MARCHF9: variants seen among roughly 807,000 people sequenced by gnomAD.
MARCHF9 encodes membrane associated ring-CH-type finger 9, also known as E3 ubiquitin-protein ligase MARCHF9.
MARCHF9 carries 17 observed loss-of-function variants against 35.2 expected under a neutral mutation model. The ratio of observed to expected loss-of-function variants is 0.48; its 90% CI spans 0.33 to 0.72. The LOEUF (loss-of-function observed/expected upper bound fraction) is 0.72. Ranked by LOEUF, MARCHF9 falls within the 30% of genes least tolerant of loss-of-function variation. The pLI is 0.02. For synonymous variants in MARCHF9, 183 were observed against 207.4 expected (o/e 0.88, Z 1.01); for missense variants, 386 against 478.2 (o/e 0.81, Z 1.80).
rs771597160 is a variant in MARCHF9, at chr12:57,759,939, T to G, written c.*1042T>G. The G allele has an allele frequency of 6.6e-6, 1 of 152,234 alleles. No homozygotes were observed. Among genetic ancestry groups the G allele is most frequent in the African/African-American group, 2.4e-5 (1 of 41,450 alleles). 9.4% of individuals were successfully genotyped at this position (152,234 alleles called of 1,614,324 possible). A position where few individuals can be genotyped will look rare whatever the true frequency, so the allele number is the denominator to read the frequency against. ...GTGGTTATTTGTTAAGAATGAGAAC[T>G]CCTCTGACTCTAAATATTTGGGCCT... On this transcript the variant is annotated 3_prime_UTR_variant, in exon 4 of 4. Transcript: ENST00000266643.
In MARCHF9 at chr12:57,758,668, G is replaced by A. The variant is rs1955301446; in HGVS notation, c.812G>A (p.Gly271Glu). 1 of 1,613,780 alleles carries A rather than the reference G, an allele frequency of 6.2e-7. No homozygotes were observed. The highest frequency in any genetic ancestry group is 1.3e-5 in the African/African-American group (1 of 74,924). ...AATTATGACAAGACCAAGGACATAGGAGGAGATGCAGGGGGAGGGACGGCA... is the reference window on the plus strand; with the variant it reads ...AATTATGACAAGACCAAGGACATAGAAGGAGATGCAGGGGGAGGGACGGCA... Reference protein sequence around the residue: ...VLNYDKTKDIGGDAGGGTAGK... With the variant: ...VLNYDKTKDIEGDAGGGTAGK... Residue 271 changes from glycine (G) to glutamate (E), a missense_variant, in exon 4 of 4, where the codon GGA (glycine) becomes GAA (glutamate). Around this residue, in one of 3 missense-constraint regions of MARCHF9, gnomAD observed 111 missense variants for 112.4 expected, o/e 0.99. Transcript: ENST00000266643. The surrounding 1 kb of genome is among the most constrained non-coding windows in gnomAD (Gnocchi z 5.4).
rs1403418681 is a variant in MARCHF9, at chr12:57,760,025, TC to T, written c.*1130del. The T allele has an allele frequency of 6.6e-6, 1 of 152,258 alleles. No individual in the cohort carries two copies. The highest frequency in any genetic ancestry group is 1.5e-5 in the Non-Finnish European group (1 of 68,058). The allele number at this position is 152,258 out of a possible 1,614,324, so 9.4% of individuals were successfully genotyped here. ...CTGGAGATCATCTGGGTTCTATCAGTCCTTCTCAAGTACTGTGCTCACCCAG... is the reference window on the plus strand; with the variant it reads ...CTGGAGATCATCTGGGTTCTATCAGTCTTCTCAAGTACTGTGCTCACCCAG... On this transcript the variant is annotated 3_prime_UTR_variant, in exon 4 of 4. Transcript: ENST00000266643.
chr12:57,755,578 T>C lies in MARCHF9; in HGVS notation c.50T>C (p.Val17Ala), dbSNP rs1267038731. 2 of 1,365,594 alleles carry C rather than the reference T, an allele frequency of 1.5e-6. No individual in the cohort carries two copies. The highest frequency in any genetic ancestry group is 1.5e-5 in the South Asian group (1 of 68,200). The allele number at this position is 1,365,594 out of a possible 1,614,324, so 84.6% of individuals were successfully genotyped here. A position where few individuals can be genotyped will look rare whatever the true frequency, so the allele number is the denominator to read the frequency against. ...TTTCTGAACGAGCTGAAGCTGCTGG[T>C]GCTGACAGGCGGGGGGCGGCCCCGG... The part of the protein sequence containing the change: ...RMFLNELKLL[V>A]LTGGGRPRAE... Residue 17 changes from valine to alanine, a missense_variant, in exon 1 of 4, where the codon GTG becomes GCG. Val to Ala is a moderately conservative substitution (Grantham distance 64). Transcript: ENST00000266643.
Position 57,758,066 on chromosome 12 carries a change from C to T in MARCHF9, c.514-42C>T, listed in dbSNP as rs1955298038. 6 of 1,612,316 alleles carry T rather than the reference C, an allele frequency of 3.7e-6. No homozygotes were observed. The highest frequency in any genetic ancestry group is 5.1e-6 in the Non-Finnish European group (6 of 1,178,592). ...CAGGGCCACCCATCACCTGGCCCTC[C>T]ATCCCTTTCTGGGACTCTTTGGAGC... On this transcript the variant is annotated intron_variant, in intron 2 of 3. Coordinates refer to ENST00000266643, the MANE Select transcript of MARCHF9 (RefSeq NM_138396.6). The surrounding 1 kb of genome is among the most constrained non-coding windows in gnomAD (Gnocchi z 5.4).
chr12:57,756,908 C>G, intron 1 of MARCHF9, 21 bp from the exon 2 acceptor site: 1 of 1,491,052 alleles, frequency 6.7e-7, no homozygotes, highest in Admixed American at 2.3e-5. Flanking sequence ...CTGACAGGGC[C>G]CCTCCTCACT....
chr12:57,758,086 T>C lies in MARCHF9; in HGVS notation c.514-22T>C. The C allele has an allele frequency of 6.2e-7, 1 of 1,614,170 alleles. No homozygotes were observed. The highest frequency in any genetic ancestry group is 8.5e-7 in the Non-Finnish European group (1 of 1,180,024). ...CCCTCCATCCCTTTCTGGGACTCTT[T>C]GGAGCCCTTTCTCCCACACAGTGGC... On this transcript the variant is annotated intron_variant, in intron 2 of 3. Transcript: ENST00000266643. The surrounding 1 kb of genome is among the most constrained non-coding windows in gnomAD (Gnocchi z 5.4).
Position 57,758,749 on chromosome 12 carries a change from G to A in MARCHF9, c.893G>A (p.Arg298His), listed in dbSNP as rs771872643. ...RTGPTSGATS[R>H]PPAAQRMRTL... ...GGCCCCACCTCTGGGGCCACGAGCCGCCCCCCAGCTGCCCAGCGCATGCGG... is the reference window on the plus strand; with the variant it reads ...GGCCCCACCTCTGGGGCCACGAGCCACCCCCCAGCTGCCCAGCGCATGCGG... The change falls in exon 4 of 4, where the codon CGC becomes CAC. Residue 298 changes from arginine (R) to histidine (H), a missense_variant. By Grantham distance (29) the Arg-to-His change is conservative (BLOSUM62 0). Around this residue, in one of 3 missense-constraint regions of MARCHF9, gnomAD observed 111 missense variants for 112.4 expected, o/e 0.99. Transcript: ENST00000266643. This position sits in a 1 kb window ranked among gnomAD's most constrained non-coding sequence, Gnocchi z 5.4. The A allele has an allele frequency of 1.6e-5, 26 of 1,611,280 alleles. 1 individual carries two copies. In the Admixed American group the frequency reaches 2.2e-4, roughly 14 times the overall value.
At chr12:57,756,898 C>A in intron 1 of MARCHF9, 31 bp from the exon 2 acceptor site, 1 of 1,469,606 alleles carries the variant, frequency 6.8e-7, no homozygotes, top group Non-Finnish European at 9.1e-7. Context: ...GTGGTGATGG[C>A]TGACAGGGCC....
intron 1 of MARCHF9, 163 bp downstream of exon 1, chr12:57,756,048 C>T (rs992064545): frequency 2.3e-6 from 1 of 434,486 alleles, no homozygotes; most frequent in African/African-American, 2.1e-5. Flanking sequence ...TCCTGGAGCG[C>T]TTGTTTGTGT....
Position 57,756,997 on chromosome 12 carries a change from C to G in MARCHF9, c.426C>G (p.Arg142=). The part of the protein sequence containing the change: ...VRCTHQPCLI[R]WISERGSWSC... ...GCACGCATCAGCCCTGCCTCATCCG[C>G]TGGATCAGCGAGAGGGGCTCCTGGA... Residue 142 remains arginine, a synonymous_variant, in exon 2 of 4, where the codon CGC becomes CGG. Coordinates refer to ENST00000266643, the MANE Select transcript of MARCHF9 (RefSeq NM_138396.6). 6.3e-7 allele frequency: 1 copy of G among 1,596,168 alleles called. No homozygotes were observed. Among genetic ancestry groups the G allele is most frequent in the Non-Finnish European group, 8.5e-7 (1 of 1,171,116 alleles).
In MARCHF9 at chr12:57,758,680, G is replaced by T. The variant is rs774304617; in HGVS notation, c.824G>T (p.Gly275Val). 2.5e-6 allele frequency: 4 copies of T among 1,613,390 alleles called. No individual in the cohort carries two copies. In the Admixed American group the frequency reaches 6.7e-5, roughly 27 times the overall value. ...DKTKDIGGDAGGGTAGKSGPR... is the reference protein window; with the variant it reads ...DKTKDIGGDAVGGTAGKSGPR... ...ACCAAGGACATAGGAGGAGATGCAG[G>T]GGGAGGGACGGCAGGGAAGTCAGGC... Residue 275 changes from glycine to valine, a missense_variant, in exon 4 of 4, where the codon GGG becomes GTG. By Grantham distance (109) the Gly-to-Val change is moderately radical. Coordinates refer to ENST00000266643, the MANE Select transcript of MARCHF9 (RefSeq NM_138396.6). This position sits in a 1 kb window ranked among gnomAD's most constrained non-coding sequence, Gnocchi z 5.4.
In MARCHF9 at chr12:57,758,650, A is replaced by C. The variant is rs200820965; in HGVS notation, c.794A>C (p.Asp265Ala). Residue 265 changes from aspartate (D) to alanine (A), a missense_variant, in exon 4 of 4, where the codon GAC becomes GCC. Coordinates refer to ENST00000266643, the MANE Select transcript of MARCHF9 (RefSeq NM_138396.6). The surrounding 1 kb of genome is among the most constrained non-coding windows in gnomAD (Gnocchi z 5.4). Reference protein sequence around the residue: ...VNQQWKVLNYDKTKDIGGDAG... With the variant: ...VNQQWKVLNYAKTKDIGGDAG... Reference sequence around the variant, plus strand: ...CAGCAGTGGAAGGTCCTAAATTATGACAAGACCAAGGACATAGGAGGAGAT... The same window carrying C: ...CAGCAGTGGAAGGTCCTAAATTATGCCAAGACCAAGGACATAGGAGGAGAT... 6.2e-7 allele frequency: 1 copy of C among 1,614,036 alleles called. No individual in the cohort carries two copies. The highest frequency in any genetic ancestry group is 8.5e-7 in the Non-Finnish European group (1 of 1,179,988).
chr12:57,755,875 GC>G lies in MARCHF9; in HGVS notation c.350del (p.Pro117ArgfsTer7). 6.6e-7 allele frequency: 1 copy of G among 1,523,630 alleles called. No individual in the cohort carries two copies. The allele number at this position is 1,523,630 out of a possible 1,614,324, so 94.4% of individuals were successfully genotyped here. ...RTPQCRICFQ[G>X]PEQGELLSPC... Reference sequence around the variant, plus strand: ...CCTCAGTGCCGGATCTGCTTCCAGGGCCCGGAGCAGGTCAGGCCTGGGCACC... The same window carrying G: ...CCTCAGTGCCGGATCTGCTTCCAGGGCCGGAGCAGGTCAGGCCTGGGCACC... On this transcript the variant is annotated frameshift_variant, in exon 1 of 4. Transcript: ENST00000266643. LOFTEE classifies it high-confidence loss of function.
chr12:57,759,023 G>A lies in MARCHF9; in HGVS notation c.*126G>A. 1 of 970,304 alleles carries A rather than the reference G, an allele frequency of 1.0e-6. No homozygotes were observed. Among genetic ancestry groups the A allele is most frequent in the Non-Finnish European group, 1.5e-6 (1 of 677,078 alleles). The allele number at this position is 970,304 out of a possible 1,614,324, so 60.1% of individuals were successfully genotyped here. ...TGCCCCCGTCACCGAGGATCTGTGT[G>A]GGTAGCCTCAAGCTGGAGACATTGT... On this transcript the variant is annotated 3_prime_UTR_variant, in exon 4 of 4. Coordinates refer to ENST00000266643, the MANE Select transcript of MARCHF9 (RefSeq NM_138396.6).
Position 57,757,233 on chromosome 12 carries a change from C to T in MARCHF9, c.513+149C>T, listed in dbSNP as rs184974848. On this transcript the variant is annotated intron_variant, in intron 2 of 3. Transcript: ENST00000266643. ...ACAGTCTCCCGTGTGTCTGTATATC[C>T]TTCCTAAGCCCTTAATTTATTCACA... 221 of 793,910 alleles carry T rather than the reference C, an allele frequency of 2.8e-4. 1 individual carries two copies. The East Asian group carries it at 5.5e-3, about 20-fold the overall frequency. 49.2% of individuals were successfully genotyped at this position (793,910 alleles called of 1,614,324 possible).
chr12:57,755,975 A>G, intron 1 of MARCHF9, 90 bp downstream of exon 1: 2 of 969,398 alleles, frequency 2.1e-6, no homozygotes, highest in Non-Finnish European at 1.3e-6. Flanking sequence ...GCGCCTAAGG[A>G]GGCTGGGCGG....
In MARCHF9 at chr12:57,758,371, C is replaced by A; in HGVS notation, c.706+71C>A. On this transcript the variant is annotated intron_variant, in intron 3 of 3. Coordinates refer to ENST00000266643, the MANE Select transcript of MARCHF9 (RefSeq NM_138396.6). This position sits in a 1 kb window ranked among gnomAD's most constrained non-coding sequence, Gnocchi z 5.4. ...ACACACCTAACTCCCCTGCCCATCC[C>A]CTCAGTTTCCTGGCTTTATTTTCTG... 6.7e-7 allele frequency: 1 copy of A among 1,494,106 alleles called. No homozygotes were observed. Among genetic ancestry groups the A allele is most frequent in the Non-Finnish European group, 9.0e-7 (1 of 1,108,746 alleles). 92.6% of individuals were successfully genotyped at this position (1,494,106 alleles called of 1,614,324 possible). A position where few individuals can be genotyped will look rare whatever the true frequency, so the allele number is the denominator to read the frequency against.
At chr12:57,757,661 AAAAAG>A (rs1565808858) in intron 2 of MARCHF9, 3 of 394,302 alleles carry the variant, frequency 7.6e-6, no homozygotes, top group East Asian at 4.7e-5. Flanking sequence ...GAAAAAAAAA[AAAAAG>A]AAAAGAAAAA....
At position 57,755,518 on chromosome 12, in the gene MARCHF9, G is replaced by C; in HGVS notation, c.-11G>C. On this transcript the variant is annotated 5_prime_UTR_variant, in exon 1 of 4. Transcript: ENST00000266643. ...CCTTGCACGCTGCCCCCCGCCCCCG[G>C]TGTCCGGACGATGCTCAAGTCTCGG... 9.7e-7 allele frequency: 1 copy of C among 1,030,400 alleles called. No homozygotes were observed. The highest frequency in any genetic ancestry group is 1.2e-6 in the Non-Finnish European group (1 of 837,422). 63.8% of individuals were successfully genotyped at this position (1,030,400 alleles called of 1,614,324 possible). A position where few individuals can be genotyped will look rare whatever the true frequency, so the allele number is the denominator to read the frequency against.
Sources: gnomAD v4.1 joint callset for allele counts on GRCh38, gnomAD v4.1.1 for gene constraint, gnomAD v4.1.1 regional missense constraint, Gnocchi (gnomAD v3.1) non-coding constraint, MANE v1.5 for transcripts, NCBI Gene and HGNC (gene_info 2026-07-23, HGNC 2026-07-21) for gene names.